The following DPP10 variants were observed in gnomAD, a reference collection of about 807,000 sequenced individuals.
DPP10 encodes the protein dipeptidyl peptidase like 10.
DPP10 carries 33 observed loss-of-function variants against 120.9 expected under a neutral mutation model. The observed-to-expected ratio is 0.27, with a 90% CI of 0.21 to 0.37. The LOEUF (loss-of-function observed/expected upper bound fraction) is 0.37, where lower values mean the gene tolerates loss of function less well. Ranked by LOEUF, DPP10 falls within the 10% of genes least tolerant of loss-of-function variation. The probability of loss-of-function intolerance (pLI) is 1.00; values close to 1 mark genes in which losing one functional copy is unlikely to be tolerated. For missense variants in DPP10, 816 were observed against 942.8 expected, an observed-to-expected ratio of 0.87 and a Z score of 1.76; for synonymous variants, 337 against 326.1, an observed-to-expected ratio of 1.03 and a Z score of -0.36.
At chr2:115,204,900 G>A (rs2056014445) in intron 1 of DPP10, among the ~76,000 whole-genome samples, 1 of 152,094 alleles carries the variant, frequency 6.6e-6, no homozygotes, top group Admixed American at 6.6e-5. Context: ...ATTCTGTTGA[G>A]AAATGTCTGT....
At chr2:115,788,966 A>C (rs35677838) in intron 17 of DPP10, among the ~76,000 whole-genome samples, 12,658 of 152,062 alleles carry the variant, frequency 0.083, 583 homozygotes, top group South Asian at 0.14. Context: ...AAAATACAAA[A>C]AATTAGCCGG....
chr2:114,871,963 G>A (rs932850626), intron 1 of DPP10, among the ~76,000 whole-genome samples: 1 of 152,190 alleles, frequency 6.6e-6, no homozygotes, highest in Non-Finnish European at 1.5e-5. Context: ...AGCTCCTTAT[G>A]AGAATCTAAT....
intron 1 of DPP10, among the ~76,000 whole-genome samples, chr2:114,865,972 C>T (rs550611854): frequency 2.0e-5 from 3 of 151,896 alleles, no homozygotes; most frequent in Non-Finnish European, 4.4e-5. Flanking sequence ...ATTAGCCGGG[C>T]GTGGTCGTGC....
intron 1 of DPP10, among the ~76,000 whole-genome samples, chr2:115,231,515 T>C (rs2057732911): frequency 1.3e-5 from 2 of 152,174 alleles, no homozygotes; most frequent in Admixed American, 1.3e-4. Context: ...GAAGTCATCT[T>C]AGTCCAAGTA....
At chr2:114,610,922 C>T (rs534503001) in intron 1 of DPP10, among the ~76,000 whole-genome samples, 64 of 152,120 alleles carry the variant, frequency 4.2e-4, no homozygotes, top group African/African-American at 1.5e-3. Flanking sequence ...CCTTCTCCCA[C>T]GCACCCAGGC....
At chr2:114,742,364 G>A (rs978098110) in intron 1 of DPP10, among the ~76,000 whole-genome samples, 1 of 152,156 alleles carries the variant, frequency 6.6e-6, no homozygotes, top group Non-Finnish European at 1.5e-5. Flanking sequence ...AAAATATTTG[G>A]CATATGAAAA....
At chr2:114,536,906 G>T (rs1007940290) in intron 1 of DPP10, among the ~76,000 whole-genome samples, 1 of 152,168 alleles carries the variant, frequency 6.6e-6, no homozygotes, top group South Asian at 2.1e-4. Context: ...CTGCTAGCAA[G>T]CTCTCAATAA....
intron 1 of DPP10, among the ~76,000 whole-genome samples, chr2:114,842,006 A>C (rs72961630): frequency 0.012 from 1,806 of 152,226 alleles, 31 homozygotes; most frequent in African/African-American, 0.042. Context: ...TAACCATCTT[A>C]TCTGTTTTAC....
At chr2:114,934,350 C>A (rs1696302403) in intron 1 of DPP10, among the ~76,000 whole-genome samples, 1 of 152,012 alleles carries the variant, frequency 6.6e-6, no homozygotes, top group Admixed American at 6.6e-5. Context: ...TTATTGTATA[C>A]TATATTCTTA....
At chr2:115,590,449 AG>A (rs753813894) in intron 5 of DPP10, among the ~76,000 whole-genome samples, 11 of 152,120 alleles carry the variant, frequency 7.2e-5, no homozygotes, top group Non-Finnish European at 1.3e-4. Context: ...TAGTTTGCTG[AG>A]AATGATGGTT....
At chr2:115,704,071 A>G (rs759429113) in intron 7 of DPP10, among the ~76,000 whole-genome samples, 6 of 151,886 alleles carry the variant, frequency 4.0e-5, no homozygotes, top group South Asian at 2.1e-4. Flanking sequence ...GTGACACTCA[A>G]TGTCATTAAT....
chr2:115,703,475 GAGCAGACC>G (rs1384596226), intron 7 of DPP10, among the ~76,000 whole-genome samples: 1 of 151,984 alleles, frequency 6.6e-6, no homozygotes, highest in African/African-American at 2.4e-5. Context: ...GAAGTCTATG[GAGCAGACC>G]AGCAGGCTGG....
chr2:115,005,788 A>T (rs1229593429), intron 1 of DPP10, among the ~76,000 whole-genome samples: 6 of 152,160 alleles, frequency 3.9e-5, no homozygotes, highest in Non-Finnish European at 7.3e-5. Flanking sequence ...GTTGGAAAAC[A>T]CTCTGCAGGA....
At chr2:115,223,041 A>G (rs554461448) in intron 1 of DPP10, among the ~76,000 whole-genome samples, 1 of 152,250 alleles carries the variant, frequency 6.6e-6, no homozygotes, top group Admixed American at 6.5e-5. Context: ...GTTTCATAAC[A>G]TATATCTGTG....
intron 1 of DPP10, among the ~76,000 whole-genome samples, chr2:115,094,563 G>C (rs115641342): frequency 2.0e-5 from 3 of 152,084 alleles, no homozygotes; most frequent in Non-Finnish European, 1.5e-5. Flanking sequence ...GTTGGGTTAC[G>C]AGCGTCTTGT....
At chr2:115,393,808 G>T (rs1220268880) in intron 3 of DPP10, among the ~76,000 whole-genome samples, 1 of 152,154 alleles carries the variant, frequency 6.6e-6, no homozygotes, top group African/African-American at 2.4e-5. Context: ...TTATAAGCTG[G>T]TATACCAAGC....
chr2:115,384,664 AGAAG>A (rs2066763558), intron 3 of DPP10, among the ~76,000 whole-genome samples: 1 of 150,038 alleles, frequency 6.7e-6, no homozygotes, highest in African/African-American at 2.5e-5. Context: ...AGGAAGAAGA[AGAAG>A]AAGGAAGAAG....
At chr2:114,574,984 T>G (rs560232034) in intron 1 of DPP10, among the ~76,000 whole-genome samples, 1 of 152,262 alleles carries the variant, frequency 6.6e-6, no homozygotes, top group South Asian at 2.1e-4. Context: ...TGAATAGTTC[T>G]CACTCCTCAA....
intron 1 of DPP10, among the ~76,000 whole-genome samples, chr2:114,952,460 T>G (rs1305525804): frequency 1.3e-5 from 2 of 152,100 alleles, no homozygotes; most frequent in Non-Finnish European, 2.9e-5. Context: ...GGATTGATAG[T>G]TGGGTTCTAG....
Sources: gnomAD v4.1 joint callset for allele counts (sites outside exome capture counted in the v4.1 genomes callset) on GRCh38, gnomAD v4.1.1 for gene constraint, MANE v1.5 for transcripts, NCBI Gene and HGNC (gene_info 2026-07-23, HGNC 2026-07-21) for gene names.